SLA2: variants seen among roughly 807,000 people sequenced by gnomAD.
SLA2 encodes the protein src-like-adapter 2.
A neutral mutation model predicts 27.3 loss-of-function variants in SLA2; 22 were observed. The observed-to-expected ratio is 0.81, with a 90% CI of 0.58 to 1.15. SLA2 has a LOEUF of 1.15. Ranked by LOEUF, SLA2 falls within the 50% of genes most tolerant of loss-of-function variation. The pLI, the probability that SLA2 is intolerant of heterozygous loss-of-function variation, is 0.00. For synonymous variants in SLA2, 131 were observed against 137.8 expected (o/e 0.95, Z 0.34); for missense variants, 304 against 322.2 (o/e 0.94, Z 0.43).
At position 36,632,582 on chromosome 20, in the gene SLA2, C is replaced by T. The variant is rs13040774; in HGVS notation, c.382+13G>A. On this transcript the variant is annotated intron_variant, in intron 5 of 7. Transcript: ENST00000262866. ...ACGTAGGGAGGGCCTGGGCTGGCAC[C>T]GAGCTTACTCACCTCTCCTGGTCTG... The T allele has an allele frequency of 9.9e-6, 16 of 1,609,222 alleles. No individual in the cohort carries two copies. The highest frequency in any genetic ancestry group is 5.0e-5 in the Admixed American group (3 of 59,996).
In SLA2 at chr20:36,614,458, C is replaced by T. The variant is rs754817365; in HGVS notation, c.533-21G>A. 11 of 1,583,874 alleles carry T rather than the reference C, an allele frequency of 6.9e-6. No homozygotes were observed. In the Admixed American group the frequency reaches 8.9e-5, roughly 13 times the overall value. On this transcript the variant is annotated intron_variant, in intron 6 of 7. Coordinates refer to ENST00000262866, the MANE Select transcript of SLA2 (RefSeq NM_032214.4). ...CAGCTCTGAGGAAGAGACCTCCATCCCTGACATGACTGACTCCACCCTACT... is the reference window on the plus strand; with the variant it reads ...CAGCTCTGAGGAAGAGACCTCCATCTCTGACATGACTGACTCCACCCTACT...
At chr20:36,621,031 G>A (rs1376172221) in intron 5 of SLA2, 2 of 354,982 alleles carry the variant, frequency 5.6e-6, no homozygotes, top group South Asian at 5.2e-5. Flanking sequence ...TGGCTGCAGT[G>A]GAAACTTTGG....
chr20:36,636,623 A>AAAAAAAAAAAT (rs1387991352), intron 2 of SLA2, among the ~76,000 whole-genome samples: 1 of 114,712 alleles, frequency 8.7e-6, no homozygotes, highest in Non-Finnish European at 1.6e-5. Flanking sequence ...AAAAAAAAAA[A>AAAAAAAAAAAT]ATATATATAT....
intron 5 of SLA2, among the ~76,000 whole-genome samples, chr20:36,624,386 C>T (rs971320823): frequency 1.4e-4 from 21 of 152,114 alleles, no homozygotes; most frequent in Admixed American, 7.9e-4. Context: ...CCTGTACTCA[C>T]ACTCACACCC....
chr20:36,626,262 C>G (rs762083375), intron 5 of SLA2, among the ~76,000 whole-genome samples: 6 of 151,914 alleles, frequency 3.9e-5, no homozygotes, highest in Non-Finnish European at 8.8e-5. Flanking sequence ...CGTGGTGGCA[C>G]GCACCTGTAA....
chr20:36,630,908 CTG>C (rs1409798515), intron 5 of SLA2, among the ~76,000 whole-genome samples: 1 of 152,190 alleles, frequency 6.6e-6, no homozygotes, highest in African/African-American at 2.4e-5. Flanking sequence ...GTTTTTCAGT[CTG>C]TACAGTGGAG....
chr20:36,617,203 C>CA (rs1243483698), intron 5 of SLA2, among the ~76,000 whole-genome samples: 8,750 of 137,148 alleles, frequency 0.064, 755 homozygotes, highest in African/African-American at 0.21. Flanking sequence ...ACTAAAAATA[C>CA]AAAAAAAAAA....
Position 36,642,750 on chromosome 20 carries a change from C to T in SLA2, c.-43-1372G>A, listed in dbSNP as rs149734115. Among the ~76,000 whole-genome samples, 662 of 152,110 alleles carry T rather than the reference C, an allele frequency of 4.4e-3. 3 individuals carry two copies. Among genetic ancestry groups the T allele is most frequent in the Middle Eastern group, 0.017 (5 of 294 alleles). Reference sequence around the variant, plus strand: ...ACAGGCATGCACCACCACGCCTGGCCGATTTTGTATTTTTAGTAGAGATGG... The same window carrying T: ...ACAGGCATGCACCACCACGCCTGGCTGATTTTGTATTTTTAGTAGAGATGG... On this transcript the variant is annotated intron_variant, in intron 1 of 7. Coordinates refer to ENST00000262866, the MANE Select transcript of SLA2 (RefSeq NM_032214.4).
chr20:36,622,128 T>C (rs937329784), intron 5 of SLA2, among the ~76,000 whole-genome samples: 1 of 150,966 alleles, frequency 6.6e-6, no homozygotes, highest in Non-Finnish European at 1.5e-5. Flanking sequence ...AAGACCAGCC[T>C]GGCCAACCCA....
chr20:36,645,512 T>C (rs1307729035), intron 1 of SLA2, among the ~76,000 whole-genome samples: 10 of 152,156 alleles, frequency 6.6e-5, no homozygotes, highest in Admixed American at 6.5e-4. Context: ...CGTTCCTGAC[T>C]TTGGAGTCTG....
chr20:36,625,742 A>G (rs867665175), intron 5 of SLA2, among the ~76,000 whole-genome samples: 1 of 150,808 alleles, frequency 6.6e-6, no homozygotes. Context: ...TGGGAGGATC[A>G]CTTGAGCCCA....
intron 5 of SLA2, among the ~76,000 whole-genome samples, chr20:36,616,554 C>T (rs1347681475): frequency 6.6e-6 from 1 of 151,940 alleles, no homozygotes; most frequent in African/African-American, 2.4e-5. Flanking sequence ...AGGCTGGTCT[C>T]GAACTCTTGA....
chr20:36,619,315 A>C (rs1434806774), intron 5 of SLA2, among the ~76,000 whole-genome samples: 4 of 151,084 alleles, frequency 2.6e-5, no homozygotes, highest in Non-Finnish European at 5.9e-5. Context: ...CACCTGAGGT[A>C]AGGAGTTCAA....
chr20:36,630,037 G>A (rs1243880171), intron 5 of SLA2, among the ~76,000 whole-genome samples: 1 of 152,202 alleles, frequency 6.6e-6, no homozygotes, highest in Non-Finnish European at 1.5e-5. Flanking sequence ...TGGCCATAAG[G>A]GCCAGCCACT....
intron 4 of SLA2, 75 bp downstream of exon 4, chr20:36,633,468 C>T: frequency 7.8e-7 from 1 of 1,276,786 alleles, no homozygotes; most frequent in Non-Finnish European, 1.1e-6. Context: ...CAGCGCAGAG[C>T]CGTGCACAAA....
intron 1 of SLA2, among the ~76,000 whole-genome samples, chr20:36,643,153 A>C (rs1308890210): frequency 6.6e-6 from 1 of 152,250 alleles, no homozygotes; most frequent in Non-Finnish European, 1.5e-5. Flanking sequence ...CACTCAGCAC[A>C]CATTAACTAA....
intron 5 of SLA2, among the ~76,000 whole-genome samples, chr20:36,623,672 C>A (rs1201613152): frequency 2.0e-5 from 3 of 148,010 alleles, no homozygotes; most frequent in Non-Finnish European, 4.5e-5. Context: ...TTTTCTTTTT[C>A]TTTTTTAGAG....
chr20:36,622,355 C>CAA (rs796971769), intron 5 of SLA2, among the ~76,000 whole-genome samples: 10,607 of 95,234 alleles, frequency 0.11, 1,259 homozygotes, highest in African/African-American at 0.32. Flanking sequence ...GACTCCATCT[C>CAA]AAAAAAAAAA....
In SLA2 at chr20:36,613,508, G is replaced by T. The variant is rs939859895; in HGVS notation, c.*358C>A. ...GTGGGTGGGGCCTGGTTAATGGTGG[G>T]GATGTAGAATGGGGCTCAACAGGCA... On this transcript the variant is annotated 3_prime_UTR_variant, in exon 8 of 8. Transcript: ENST00000262866. 3 of 182,430 alleles carry T rather than the reference G, an allele frequency of 1.6e-5. No individual in the cohort carries two copies. Among genetic ancestry groups the T allele is most frequent in the Admixed American group, 5.9e-5 (1 of 16,884 alleles). The allele number at this position is 182,430 out of a possible 1,614,324, so 11.3% of individuals were successfully genotyped here. A position where few individuals can be genotyped will look rare whatever the true frequency, so the allele number is the denominator to read the frequency against.
Sources: gnomAD v4.1 joint callset for allele counts (sites outside exome capture counted in the v4.1 genomes callset) on GRCh38, gnomAD v4.1.1 for gene constraint, MANE v1.5 for transcripts, NCBI Gene and HGNC (gene_info 2026-07-23, HGNC 2026-07-21) for gene names.